Variants in EYA2 observed in about 807,000 individuals in gnomAD.
EYA2 encodes protein phosphatase EYA2.
In EYA2, 31 loss-of-function variants were observed where a neutral mutation model predicts 69.2. The observed-to-expected ratio is 0.45, with a 90% CI of 0.34 to 0.60. EYA2 has a LOEUF of 0.60. EYA2 is among the 20% of genes least tolerant of loss of function. The pLI, the probability that EYA2 is intolerant of heterozygous loss-of-function variation, is 0.02. For missense variants in EYA2, 622 were observed against 701.2 expected, an observed-to-expected ratio of 0.89 and a Z score of 1.28; for synonymous variants, 257 against 279.4, an observed-to-expected ratio of 0.92 and a Z score of 0.80.
chr20:47,150,931 C>T (rs191711563), intron 10 of EYA2, among the ~76,000 whole-genome samples: 4 of 152,096 alleles, frequency 2.6e-5, no homozygotes, highest in African/African-American at 4.8e-5. Context: ...TGGACAGTCA[C>T]GTGCCAATAA....
At chr20:46,919,314 G>C (rs914942462) in intron 1 of EYA2, among the ~76,000 whole-genome samples, 1 of 152,222 alleles carries the variant, frequency 6.6e-6, no homozygotes, top group Admixed American at 6.5e-5. Context: ...CCCTAGATGG[G>C]ATCTTCTTCC....
chr20:47,030,550 G>A (rs6090607), intron 5 of EYA2, among the ~76,000 whole-genome samples: 3,000 of 152,260 alleles, frequency 0.02, 100 homozygotes, highest in African/African-American at 0.069. Context: ...GGATACAGGC[G>A]GTGCATGAGT....
intron 9 of EYA2, among the ~76,000 whole-genome samples, chr20:47,097,735 A>C (rs1246056369): frequency 2.0e-5 from 3 of 152,200 alleles, no homozygotes; most frequent in African/African-American, 7.2e-5. Context: ...GAGACCTTGA[A>C]ACCACTTTAA....
chr20:47,040,912 T>C (rs1166824728), intron 5 of EYA2, among the ~76,000 whole-genome samples: 2 of 152,186 alleles, frequency 1.3e-5, no homozygotes, highest in Non-Finnish European at 2.9e-5. Context: ...ATCTTATCAC[T>C]GGACAGCACA....
intron 10 of EYA2, among the ~76,000 whole-genome samples, chr20:47,147,111 C>T (rs2033719401): frequency 7.1e-6 from 1 of 140,148 alleles, no homozygotes; most frequent in South Asian, 2.3e-4. Context: ...GCTGGAGGTA[C>T]GATCTTGTCG....
At chr20:46,949,982 A>G (rs1172759472) in intron 1 of EYA2, among the ~76,000 whole-genome samples, 1 of 152,240 alleles carries the variant, frequency 6.6e-6, no homozygotes, top group Non-Finnish European at 1.5e-5. Context: ...GTGCTTGCAC[A>G]AGGTGATTTA....
At chr20:46,949,446 T>G (rs1474773630) in intron 1 of EYA2, among the ~76,000 whole-genome samples, 1 of 152,152 alleles carries the variant, frequency 6.6e-6, no homozygotes, top group Non-Finnish European at 1.5e-5. Context: ...GTCAAACTGG[T>G]TCAGCAAGTA....
At chr20:47,117,372 T>C in intron 9 of EYA2, 1 of 985,408 alleles carries the variant, frequency 1.0e-6, no homozygotes. Flanking sequence ...TGAGGTGAGA[T>C]GGAGCCCCGA....
intron 2 of EYA2, among the ~76,000 whole-genome samples, chr20:46,993,130 T>A (rs1981789212): frequency 6.6e-6 from 1 of 152,200 alleles, no homozygotes; most frequent in South Asian, 2.1e-4. Context: ...GCTAGTGGCC[T>A]AACCTCCTTG....
chr20:46,947,125 C>T (rs1435199763), intron 1 of EYA2, among the ~76,000 whole-genome samples: 2 of 152,184 alleles, frequency 1.3e-5, no homozygotes, highest in African/African-American at 4.8e-5. Context: ...AGCTTGCTGA[C>T]CTCTACTCTA....
chr20:46,898,947 A>C (rs1419076007), intron 1 of EYA2, among the ~76,000 whole-genome samples: 1 of 152,212 alleles, frequency 6.6e-6, no homozygotes, highest in African/African-American at 2.4e-5. Context: ...TCTGACTTGC[A>C]AATTATACCC....
At chr20:46,969,650 G>A (rs1980022389) in intron 1 of EYA2, among the ~76,000 whole-genome samples, 1 of 152,152 alleles carries the variant, frequency 6.6e-6, no homozygotes, top group African/African-American at 2.4e-5. Context: ...TTCAGCACTG[G>A]AAGCTAAAGC....
At chr20:47,098,905 G>A (rs983596734) in intron 9 of EYA2, among the ~76,000 whole-genome samples, 77 of 152,272 alleles carry the variant, frequency 5.1e-4, no homozygotes, top group African/African-American at 1.8e-3. Context: ...CTCCTTTCCT[G>A]CTCTTACCCT....
At chr20:46,987,678 A>G (rs1162517646) in intron 1 of EYA2, among the ~76,000 whole-genome samples, 2 of 151,964 alleles carry the variant, frequency 1.3e-5, no homozygotes, top group Non-Finnish European at 2.9e-5. Flanking sequence ...CGTAATCCCA[A>G]CACTTTGGGA....
intron 9 of EYA2, among the ~76,000 whole-genome samples, chr20:47,104,061 CA>C (rs372466792): frequency 9.2e-5 from 14 of 152,310 alleles, no homozygotes; most frequent in African/African-American, 1.7e-4. Flanking sequence ...TCCCATCAGC[CA>C]TGTAAAATGG....
intron 1 of EYA2, among the ~76,000 whole-genome samples, chr20:46,917,441 G>A (rs1984959618): frequency 6.6e-6 from 1 of 152,224 alleles, no homozygotes; most frequent in African/African-American, 2.4e-5. Flanking sequence ...CTCTCAGGCT[G>A]CACAAACCTT....
intron 1 of EYA2, among the ~76,000 whole-genome samples, chr20:46,952,059 A>G (rs994584789): frequency 1.3e-5 from 2 of 152,258 alleles, no homozygotes; most frequent in African/African-American, 4.8e-5. Context: ...GTAGAGACAG[A>G]CAAGAAACAG....
chr20:47,108,802 C>G (rs533990537), intron 9 of EYA2, among the ~76,000 whole-genome samples: 1 of 152,084 alleles, frequency 6.6e-6, no homozygotes, highest in East Asian at 1.9e-4. Context: ...CGATCCTCCC[C>G]CCTCAGCTTT....
chr20:47,116,994 ATTTTT>A (rs11482114), intron 9 of EYA2, among the ~76,000 whole-genome samples: 2 of 117,044 alleles, frequency 1.7e-5, no homozygotes, highest in African/African-American at 3.4e-5. Flanking sequence ...ATGCATCTGC[ATTTTT>A]TTTTTTTTTT....
Sources: allele counts gnomAD v4.1 joint callset (sites outside exome capture counted in the v4.1 genomes callset), GRCh38; gene constraint gnomAD v4.1.1; transcripts MANE v1.5; gene names NCBI Gene and HGNC (gene_info 2026-07-23, HGNC 2026-07-21).